EHMT1: variants seen among roughly 807,000 people sequenced by gnomAD.
EHMT1 encodes the protein euchromatic histone lysine methyltransferase 1, also known as histone-lysine N-methyltransferase EHMT1.
Under a neutral mutation model 147.2 loss-of-function variants are expected in EHMT1, and 15 were observed. The ratio of observed to expected loss-of-function variants is 0.10; its 90% CI spans 0.07 to 0.16. The LOEUF is 0.16. Ranked by LOEUF, EHMT1 falls within the 10% of genes least tolerant of loss-of-function variation. EHMT1 has a pLI of 1.00. For synonymous variants in EHMT1, 795 were observed against 709.6 expected (o/e 1.12, Z -1.91); for missense variants, 1,587 against 1,772.4 (o/e 0.90, Z 1.88).
intron 2 of EHMT1, 129 bp downstream of exon 2, chr9:137,711,159 T>C (rs1358040326): frequency 2.2e-6 from 2 of 914,582 alleles, no homozygotes; most frequent in Admixed American, 2.7e-5. Flanking sequence ...TGGTATAGTT[T>C]CTAATCTATC....
In EHMT1 at chr9:137,814,276, A is replaced by T; in HGVS notation, c.3181-155A>T. On this transcript the variant is annotated intron_variant, in intron 21 of 26. Coordinates refer to ENST00000460843, the MANE Select transcript of EHMT1 (RefSeq NM_024757.5). ...GCACTCGACATGTTTCTGCCTGCAC[A>T]GCCTTCTCCCTAAGAGGCCACACAC... The T allele has an allele frequency of 7.6e-6, 6 of 786,750 alleles. No individual in the cohort carries two copies. In the South Asian group the frequency reaches 8.6e-5, roughly 11 times the overall value. 48.7% of individuals were successfully genotyped at this position (786,750 alleles called of 1,614,324 possible).
At chr9:137,643,600 G>A (rs1844667718) in intron 1 of EHMT1, among the ~76,000 whole-genome samples, 1 of 151,648 alleles carries the variant, frequency 6.6e-6, no homozygotes, top group African/African-American at 2.4e-5. Flanking sequence ...TGCCCACCTT[G>A]GCCTCCCAAA....
chr9:137,767,025 G>A (rs1052958557), intron 10 of EHMT1, among the ~76,000 whole-genome samples: 8 of 152,166 alleles, frequency 5.3e-5, no homozygotes, highest in African/African-American at 1.9e-4. Flanking sequence ...ATCTCACTAT[G>A]TTCCCCAGGC....
Position 137,755,839 on chromosome 9 carries a change from A to G in EHMT1, c.1369+1548A>G, listed in dbSNP as rs182104822. Among the ~76,000 whole-genome samples, 582 of 152,252 alleles carry G rather than the reference A, an allele frequency of 3.8e-3. 5 individuals are homozygous for G. The highest frequency in any genetic ancestry group is 0.013 in the African/African-American group (545 of 41,548). ...AATGAGATTGTACATTTTAGCCTTC[A>G]TTTAGTTTTTTTGAAACGTGTCTGT... On this transcript the variant is annotated intron_variant, in intron 8 of 26. Transcript: ENST00000460843.
chr9:137,650,539 C>A (rs1328052213), intron 1 of EHMT1, among the ~76,000 whole-genome samples: 1 of 151,906 alleles, frequency 6.6e-6, no homozygotes, highest in Non-Finnish European at 1.5e-5. Flanking sequence ...ATTTGTATGT[C>A]TTCTTTGTAG....
chr9:137,739,902 G>C (rs774510458), intron 4 of EHMT1, among the ~76,000 whole-genome samples: 4 of 152,172 alleles, frequency 2.6e-5, no homozygotes, highest in Non-Finnish European at 5.9e-5. Flanking sequence ...CTGATGGCAG[G>C]GAACAGTTCT....
intron 15 of EHMT1, among the ~76,000 whole-genome samples, chr9:137,790,030 T>C (rs1272779811): frequency 6.6e-6 from 1 of 152,216 alleles, no homozygotes; most frequent in African/African-American, 2.4e-5. Flanking sequence ...GTGCCCGGCC[T>C]CTCCACCCCC....
chr9:137,814,676 C>T (rs774712273), intron 22 of EHMT1, 168 bp downstream of exon 22: 12 of 749,386 alleles, frequency 1.6e-5, no homozygotes, highest in South Asian at 3.0e-5. Context: ...CACCAGCACC[C>T]GAGTCAGGGT....
intron 1 of EHMT1, among the ~76,000 whole-genome samples, chr9:137,701,640 T>G (rs936198373): frequency 2.8e-5 from 4 of 142,258 alleles, no homozygotes; most frequent in African/African-American, 1.1e-4. Flanking sequence ...TTTTTTTTTT[T>G]TTTTGAGATG....
chr9:137,753,258 G>A (rs1244115172), intron 7 of EHMT1, among the ~76,000 whole-genome samples: 1 of 152,058 alleles, frequency 6.6e-6, no homozygotes, highest in Admixed American at 6.5e-5. Flanking sequence ...AGTGGGAGGA[G>A]GACACAGGGG....
chr9:137,762,948 T>C, intron 10 of EHMT1, 128 bp downstream of exon 10: 1 of 1,220,296 alleles, frequency 8.2e-7, no homozygotes, highest in Non-Finnish European at 1.2e-6. Flanking sequence ...GAGTGGATTC[T>C]GCGCAGAACC....
intron 18 of EHMT1, among the ~76,000 whole-genome samples, chr9:137,801,448 A>G (rs746854703): frequency 3.3e-5 from 5 of 151,972 alleles, no homozygotes; most frequent in Non-Finnish European, 7.4e-5. Context: ...CCGCCTCCCC[A>G]GTAGCTGGGA....
intron 1 of EHMT1, among the ~76,000 whole-genome samples, chr9:137,644,232 A>AT (rs1337884225): frequency 6.6e-6 from 1 of 152,174 alleles, no homozygotes; most frequent in Non-Finnish European, 1.5e-5. Flanking sequence ...GCCACGGGCA[A>AT]TACGTAAACA....
intron 1 of EHMT1, among the ~76,000 whole-genome samples, chr9:137,683,058 G>T (rs924141950): frequency 1.3e-5 from 2 of 152,246 alleles, no homozygotes; most frequent in Non-Finnish European, 2.9e-5. Context: ...TCCACAGCTA[G>T]ATTCAGTTAT....
In EHMT1 at chr9:137,834,870, C is replaced by T; in HGVS notation, c.3814C>T (p.Gln1272Ter). The T allele has an allele frequency of 6.2e-7, 1 of 1,610,952 alleles. No individual in the cohort carries two copies. Among genetic ancestry groups the T allele is most frequent in the Non-Finnish European group, 8.5e-7 (1 of 1,179,256 alleles). The part of the protein sequence containing the change: ...KCRHSSAALA[Q>*]RQASAAQEAQ... ...CCGGCACTCGAGCGCGGCCCTGGCC[C>T]AGCGTCAGGCCAGCGCGGCCCAGGA... The change falls in exon 27 of 27, where the codon CAG becomes TAG. Residue 1272 changes from glutamine (Q) to a stop codon, truncating the protein, a stop_gained. Transcript: ENST00000460843. LOFTEE classifies it high-confidence loss of function.
intron 1 of EHMT1, among the ~76,000 whole-genome samples, chr9:137,677,206 T>C (rs1405445317): frequency 6.6e-6 from 1 of 152,046 alleles, no homozygotes; most frequent in Non-Finnish European, 1.5e-5. Flanking sequence ...CAATCTCTGC[T>C]CATTGCAACC....
intron 18 of EHMT1, chr9:137,802,602 G>T: frequency 7.5e-6 from 3 of 401,196 alleles, no homozygotes; most frequent in Non-Finnish European, 8.7e-6. Flanking sequence ...GTGGGCACGG[G>T]CCCTTGCCAT....
intron 1 of EHMT1, among the ~76,000 whole-genome samples, chr9:137,643,334 A>G (rs1032773801): frequency 6.8e-6 from 1 of 147,356 alleles, no homozygotes; most frequent in African/African-American, 2.5e-5. Flanking sequence ...TTTGTGTATA[A>G]AGGTTTTTTT....
At chr9:137,801,821 CAG>C (rs1441242921) in intron 18 of EHMT1, among the ~76,000 whole-genome samples, 1 of 152,062 alleles carries the variant, frequency 6.6e-6, no homozygotes, top group Non-Finnish European at 1.5e-5. Flanking sequence ...TTAGTAGAGA[CAG>C]GGTTTAGCCA....
Sources: gnomAD v4.1 joint callset for allele counts (sites outside exome capture counted in the v4.1 genomes callset) on GRCh38, gnomAD v4.1.1 for gene constraint, MANE v1.5 for transcripts, NCBI Gene and HGNC (gene_info 2026-07-23, HGNC 2026-07-21) for gene names.